Variants in SLC13A1 observed in about 807,000 individuals in gnomAD.
The protein encoded by SLC13A1 is solute carrier family 13 member 1.
In SLC13A1, 65 loss-of-function variants were observed where a neutral mutation model predicts 70.0. The ratio of observed to expected loss-of-function variants is 0.93; its 90% CI spans 0.76 to 1.14. The LOEUF (loss-of-function observed/expected upper bound fraction) is 1.14, where lower values mean the gene tolerates loss of function less well. Ranked by LOEUF, SLC13A1 falls within the 50% of genes most tolerant of loss-of-function variation. The probability of loss-of-function intolerance (pLI) is 0.00; values close to 1 mark genes in which losing one functional copy is unlikely to be tolerated. For missense variants in SLC13A1, 726 were observed against 717.8 expected, an observed-to-expected ratio of 1.01 and a Z score of -0.13; for synonymous variants, 275 against 250.5, an observed-to-expected ratio of 1.10 and a Z score of -0.92.
At chr7:123,143,082 C>A (rs1460460226) in intron 7 of SLC13A1, among the ~76,000 whole-genome samples, 1 of 152,118 alleles carries the variant, frequency 6.6e-6, no homozygotes, top group Non-Finnish European at 1.5e-5. Context: ...GAGCTGGTAT[C>A]CAAGATGCAA....
intron 6 of SLC13A1, among the ~76,000 whole-genome samples, chr7:123,158,975 A>G (rs188123605): frequency 2.0e-5 from 3 of 152,228 alleles, no homozygotes; most frequent in East Asian, 3.9e-4. Flanking sequence ...GGGTCTGAGA[A>G]GCAAAATACA....
chr7:123,117,356 T>C, intron 14 of SLC13A1, 115 bp downstream of exon 14: 1 of 1,043,002 alleles, frequency 9.6e-7, no homozygotes, highest in Admixed American at 2.1e-5. Flanking sequence ...ATAAACAGAA[T>C]TCAGGCCCTG....
intron 12 of SLC13A1, 138 bp from the exon 13 acceptor site, chr7:123,119,380 G>A (rs1226795080): frequency 7.4e-6 from 5 of 678,238 alleles, no homozygotes; most frequent in Admixed American, 3.4e-5. Flanking sequence ...TTTTTCTGTG[G>A]TTTGGTAGGT....
At chr7:123,132,402 G>T (rs560791230) in intron 8 of SLC13A1, among the ~76,000 whole-genome samples, 75 of 152,118 alleles carry the variant, frequency 4.9e-4, no homozygotes, top group Admixed American at 3.3e-3. Context: ...ACAGACTTTT[G>T]CTCTTGTCAC....
rs941707026 is a variant in SLC13A1, at chr7:123,166,048, T to G, written c.660+2326A>C. On this transcript the variant is annotated intron_variant, in intron 6 of 14. Transcript: ENST00000194130. ...ATGTCTTTACATTATACTTCCTCGC[T>G]GCAGTACTCCCAGATCAAACTAGTT... 2.0e-5 allele frequency among the ~76,000 whole-genome samples: 3 copies of G among 152,028 alleles called. No individual in the cohort carries two copies. The South Asian group carries it at 6.2e-4, about 32-fold the overall frequency.
intron 3 of SLC13A1, among the ~76,000 whole-genome samples, chr7:123,169,624 G>A (rs1228078872): frequency 2.0e-5 from 3 of 150,644 alleles, no homozygotes; most frequent in Non-Finnish European, 3.0e-5. Context: ...CGAACTGCAA[G>A]TTGGTTATAT....
At chr7:123,178,108 G>A (rs188417687) in intron 2 of SLC13A1, among the ~76,000 whole-genome samples, 36 of 148,032 alleles carry the variant, frequency 2.4e-4, no homozygotes, top group Admixed American at 4.7e-4. Context: ...AAATATTTTC[G>A]ATGATAATAT....
At chr7:123,130,562 C>T (rs1449913570) in intron 8 of SLC13A1, among the ~76,000 whole-genome samples, 1 of 151,964 alleles carries the variant, frequency 6.6e-6, no homozygotes, top group African/African-American at 2.4e-5. Flanking sequence ...TGGGGCCTGT[C>T]AGGGGTGTGG....
intron 11 of SLC13A1, 41 bp downstream of exon 11, chr7:123,125,528 T>C (rs750106166): frequency 6.8e-5 from 97 of 1,423,568 alleles, no homozygotes; most frequent in Non-Finnish European, 9.3e-5. Context: ...TAATTTTTGC[T>C]CTTCTGTTAA....
At chr7:123,121,027 G>A (rs1055817600) in intron 12 of SLC13A1, among the ~76,000 whole-genome samples, 2 of 151,928 alleles carry the variant, frequency 1.3e-5, no homozygotes, top group African/African-American at 4.8e-5. Context: ...TTGTGGAAAT[G>A]TTCTTCTTTT....
chr7:123,153,464 A>C (rs747838928), intron 6 of SLC13A1, among the ~76,000 whole-genome samples: 6 of 152,068 alleles, frequency 3.9e-5, no homozygotes, highest in Non-Finnish European at 7.4e-5. Context: ...AGCTCCATGC[A>C]TTCAGATTTA....
chr7:123,192,851 T>C (rs959380612), intron 1 of SLC13A1, among the ~76,000 whole-genome samples: 9 of 152,176 alleles, frequency 5.9e-5, no homozygotes, highest in Non-Finnish European at 1.2e-4. Flanking sequence ...TTTTGGAAGA[T>C]GGATAGTAAA....
Position 123,115,418 on chromosome 7 carries a change from G to C in SLC13A1, c.*100C>G. The C allele has an allele frequency of 1.6e-6, 2 of 1,235,922 alleles. No homozygotes were observed. Among genetic ancestry groups the C allele is most frequent in the Non-Finnish European group, 2.3e-6 (2 of 868,772 alleles). 76.6% of individuals were successfully genotyped at this position (1,235,922 alleles called of 1,614,324 possible). A position where few individuals can be genotyped will look rare whatever the true frequency, so the allele number is the denominator to read the frequency against. ...GAATTGCAGCAGCTACACCATAACT[G>C]ATTTAAATGTGTGTCATTAGTTATT... On this transcript the variant is annotated 3_prime_UTR_variant, in exon 15 of 15. Transcript: ENST00000194130.
chr7:123,173,651 C>T (rs1227904469), intron 2 of SLC13A1, among the ~76,000 whole-genome samples: 1 of 152,014 alleles, frequency 6.6e-6, no homozygotes, highest in African/African-American at 2.4e-5. Context: ...TGTTTACGTG[C>T]TTATTGTTTT....
chr7:123,142,683 T>A (rs1283161859), intron 7 of SLC13A1, among the ~76,000 whole-genome samples: 4 of 79,418 alleles, frequency 5.0e-5, no homozygotes, highest in Non-Finnish European at 1.0e-4. Context: ...AGTAGCGCGA[T>A]CTTGGCTCAC....
At chr7:123,189,482 C>T (rs1451005571) in intron 1 of SLC13A1, among the ~76,000 whole-genome samples, 1 of 152,056 alleles carries the variant, frequency 6.6e-6, no homozygotes, top group East Asian at 1.9e-4. Context: ...TATGACAACT[C>T]CTTCATCTTA....
At chr7:123,118,245 C>T (rs932798547) in intron 13 of SLC13A1, among the ~76,000 whole-genome samples, 7 of 152,098 alleles carry the variant, frequency 4.6e-5, no homozygotes, top group African/African-American at 1.4e-4. Context: ...AGAGTTACTA[C>T]TATTTTTAAA....
intron 2 of SLC13A1, among the ~76,000 whole-genome samples, chr7:123,178,059 A>G (rs929258975): frequency 6.6e-6 from 1 of 150,768 alleles, no homozygotes; most frequent in Non-Finnish European, 1.5e-5. Context: ...ATCTCCATAC[A>G]TGTGTATTTT....
At chr7:123,131,357 C>T (rs12706491) in intron 8 of SLC13A1, among the ~76,000 whole-genome samples, 33,216 of 151,926 alleles carry the variant, frequency 0.22, 4,346 homozygotes, top group East Asian at 0.34. Context: ...GGAGATGAGT[C>T]TCCTTAGAAA....
Sources: allele counts gnomAD v4.1 joint callset (sites outside exome capture counted in the v4.1 genomes callset), GRCh38; gene constraint gnomAD v4.1.1; transcripts MANE v1.5; gene names NCBI Gene and HGNC (gene_info 2026-07-23, HGNC 2026-07-21).